The following CCSER1 variants were observed in gnomAD, a reference collection of about 807,000 sequenced individuals.
CCSER1 encodes serine-rich coiled-coil domain-containing protein 1.
In CCSER1, 41 loss-of-function variants were observed where a neutral mutation model predicts 82.0. The ratio of observed to expected loss-of-function variants is 0.50; its 90% confidence interval spans 0.39 to 0.65. The LOEUF (loss-of-function observed/expected upper bound fraction) is 0.65, where lower values mean the gene tolerates loss of function less well. CCSER1 is among the 30% of genes least tolerant of loss of function. The pLI is 0.00. For missense variants in CCSER1, 1,119 were observed against 1,064.2 expected (o/e 1.05, Z -0.72); for synonymous variants, 414 against 383.9 (o/e 1.08, Z -0.92).
At chr4:91,479,052 G>A (rs1478879063) in intron 10 of CCSER1, among the ~76,000 whole-genome samples, 4 of 151,528 alleles carry the variant, frequency 2.6e-5, no homozygotes, top group Admixed American at 2.6e-4. Flanking sequence ...ATTCATTAGA[G>A]GGATAAGTTA....
At chr4:90,507,259 A>C (rs1287628096) in intron 5 of CCSER1, among the ~76,000 whole-genome samples, 1 of 152,068 alleles carries the variant, frequency 6.6e-6, no homozygotes, top group Non-Finnish European at 1.5e-5. Context: ...GACATGTTGA[A>C]AGTTGTGCCA....
At chr4:90,402,454 C>T (rs969089876) in intron 4 of CCSER1, among the ~76,000 whole-genome samples, 4 of 151,764 alleles carry the variant, frequency 2.6e-5, no homozygotes, top group Non-Finnish European at 5.9e-5. Context: ...GTACCAATAT[C>T]GTATATAGGC....
intron 10 of CCSER1, among the ~76,000 whole-genome samples, chr4:91,387,783 G>C (rs1471011810): frequency 6.6e-6 from 1 of 152,044 alleles, no homozygotes; most frequent in Non-Finnish European, 1.5e-5. Context: ...AATGTTCAGA[G>C]GTGGAAGTGA....
chr4:91,129,757 G>A (rs1338198216), intron 10 of CCSER1: 1 of 152,102 alleles, frequency 6.6e-6, no homozygotes, highest in East Asian at 1.9e-4. Context: ...ATTCTATTCT[G>A]TAAAAATAGA....
chr4:91,090,933 A>T (rs540783180), intron 10 of CCSER1, among the ~76,000 whole-genome samples: 1 of 151,968 alleles, frequency 6.6e-6, no homozygotes, highest in African/African-American at 2.4e-5. Context: ...GGGGTTTGTG[A>T]TTACTAATTC....
intron 10 of CCSER1, among the ~76,000 whole-genome samples, chr4:91,566,842 CTGAATTCAT>C (rs1439092190): frequency 1.3e-5 from 2 of 152,006 alleles, no homozygotes; most frequent in Non-Finnish European, 2.9e-5. Flanking sequence ...AAACCAACTC[CTGAATTCAT>C]TGATCTTTTG....
intron 6 of CCSER1, among the ~76,000 whole-genome samples, chr4:90,673,792 TA>T (rs1420543625): frequency 1.3e-5 from 2 of 151,978 alleles, no homozygotes; most frequent in Admixed American, 6.6e-5. Context: ...CAACCCATTA[TA>T]CATACGTTTT....
intron 1 of CCSER1, among the ~76,000 whole-genome samples, chr4:90,184,931 A>G (rs1313936169): frequency 3.3e-5 from 5 of 152,074 alleles, no homozygotes; most frequent in Admixed American, 6.6e-5. Flanking sequence ...AAAGAAAGGA[A>G]CAATTCCTGC....
chr4:90,397,193 A>G (rs1256801953), intron 3 of CCSER1, among the ~76,000 whole-genome samples: 1 of 152,184 alleles, frequency 6.6e-6, no homozygotes, highest in East Asian at 1.9e-4. Flanking sequence ...TTAGGAAGCA[A>G]TTCATCTAGA....
At chr4:90,955,155 G>T (rs1211999315) in intron 9 of CCSER1, among the ~76,000 whole-genome samples, 2 of 152,176 alleles carry the variant, frequency 1.3e-5, no homozygotes, top group African/African-American at 2.4e-5. Flanking sequence ...AAGGAAGGCA[G>T]ATTTTATCCT....
At chr4:90,248,362 G>A (rs2153439154) in intron 1 of CCSER1, among the ~76,000 whole-genome samples, 1 of 152,286 alleles carries the variant, frequency 6.6e-6, no homozygotes, top group South Asian at 2.1e-4. Flanking sequence ...ACATGCATTA[G>A]CAGGTTCTTA....
chr4:90,247,138 C>T (rs1298598466), intron 1 of CCSER1, among the ~76,000 whole-genome samples: 1 of 152,106 alleles, frequency 6.6e-6, no homozygotes, highest in Non-Finnish European at 1.5e-5. Context: ...CATCATGCTC[C>T]TCAGAATGGC....
rs1232479357 is a variant in CCSER1, at chr4:91,503,851, A to C, written c.2218-94721A>C. On this transcript the variant is annotated intron_variant, in intron 10 of 10. Coordinates refer to ENST00000509176, the MANE Select transcript of CCSER1 (RefSeq NM_001145065.2). ...TTTTCTCTAGCTCCTTAGTGGTTAA[A>C]TATGGAGACATGATTATATTAACTA... 2.0e-5 allele frequency among the ~76,000 whole-genome samples: 3 copies of C among 152,308 alleles called. No homozygotes were observed. The East Asian group carries it at 5.8e-4, about 29-fold the overall frequency.
intron 10 of CCSER1, among the ~76,000 whole-genome samples, chr4:91,324,762 C>G (rs1207828448): frequency 6.6e-6 from 1 of 152,084 alleles, no homozygotes; most frequent in Non-Finnish European, 1.5e-5. Context: ...TTACTGAAAT[C>G]AGCAAGGTGC....
intron 8 of CCSER1, among the ~76,000 whole-genome samples, chr4:90,825,798 C>T (rs1206532482): frequency 6.9e-6 from 1 of 145,694 alleles, no homozygotes; most frequent in African/African-American, 2.5e-5. Context: ...GGTGCAATCT[C>T]GGATCACTGC....
At chr4:90,534,441 T>TGTG (rs1775030750) in intron 5 of CCSER1, among the ~76,000 whole-genome samples, 2 of 136,394 alleles carry the variant, frequency 1.5e-5, no homozygotes, top group Non-Finnish European at 3.2e-5. Context: ...TGCCAGCCTT[T>TGTG]TGTGTGTGTG....
At position 90,426,760 on chromosome 4, in the gene CCSER1, CTA is replaced by C. The variant is rs1211621194; in HGVS notation, c.1603+26633_1603+26634del. Among the ~76,000 whole-genome samples, 11 of 151,126 alleles carry C rather than the reference CTA, an allele frequency of 7.3e-5. No individual in the cohort carries two copies. The East Asian group carries it at 1.4e-3, about 19-fold the overall frequency. On this transcript the variant is annotated intron_variant, in intron 4 of 10. Coordinates refer to ENST00000509176, the MANE Select transcript of CCSER1 (RefSeq NM_001145065.2). ...GTTTGTTCTTCACAATTATATGACT[CTA>C]TTCTCTATATCAGTAAAAGCCATCA...
chr4:90,897,286 A>G (rs867215555), intron 8 of CCSER1, among the ~76,000 whole-genome samples: 1 of 151,882 alleles, frequency 6.6e-6, no homozygotes, highest in African/African-American at 2.4e-5. Context: ...ACTCCCTCTC[A>G]TAACCTCCCC....
Position 91,594,344 on chromosome 4 carries a change from T to TACATATATATAC in CCSER1, c.2218-4200_2218-4189dup, listed in dbSNP as rs1244115809. Among the ~76,000 whole-genome samples, 848 of 146,880 alleles carry TACATATATATAC rather than the reference T, an allele frequency of 5.8e-3. 15 individuals are homozygous for TACATATATATAC. The highest frequency in any genetic ancestry group is 0.02 in the African/African-American group (788 of 39,604). On this transcript the variant is annotated intron_variant, in intron 10 of 10. Coordinates refer to ENST00000509176, the MANE Select transcript of CCSER1 (RefSeq NM_001145065.2). ...ATACATATATGTACACACATATATA[T>TACATATATATAC]ACATATATATACACATATATATACA...
Sources: allele counts gnomAD v4.1 joint callset (sites outside exome capture counted in the v4.1 genomes callset), GRCh38; gene constraint gnomAD v4.1.1; transcripts MANE v1.5; gene names NCBI Gene and HGNC (gene_info 2026-07-23, HGNC 2026-07-21).